Variants in THSD7B observed in about 807,000 individuals in gnomAD.
The protein encoded by THSD7B is thrombospondin type-1 domain-containing protein 7B.
In THSD7B, 138 loss-of-function variants were observed where a neutral mutation model predicts 213.6. The observed-to-expected ratio is 0.65, with a 90% CI of 0.56 to 0.74. The LOEUF is 0.74. THSD7B is among the 30% of genes least tolerant of loss of function. THSD7B has a pLI of 0.00. For synonymous variants in THSD7B, 742 were observed against 687.0 expected, an observed-to-expected ratio of 1.08 and a Z score of -1.25; for missense variants, 1,931 against 1,991.5, an observed-to-expected ratio of 0.97 and a Z score of 0.58.
chr2:136,950,292 T>C (rs983656869), intron 2 of THSD7B, among the ~76,000 whole-genome samples: 2 of 151,934 alleles, frequency 1.3e-5, no homozygotes, highest in African/African-American at 4.8e-5. Context: ...TAAATAAAAA[T>C]AAACACAAAC....
chr2:137,066,608 C>G (rs1276282288), intron 3 of THSD7B, among the ~76,000 whole-genome samples: 1 of 152,024 alleles, frequency 6.6e-6, no homozygotes, highest in Admixed American at 6.6e-5. Context: ...CCTCTGGCTT[C>G]TTGAAATAAT....
intron 7 of THSD7B, among the ~76,000 whole-genome samples, chr2:137,210,684 A>G (rs1190645242): frequency 6.6e-6 from 1 of 152,048 alleles, no homozygotes; most frequent in Non-Finnish European, 1.5e-5. Context: ...ATTTAAGTAG[A>G]GATGAGAGGA....
chr2:137,194,320 C>T (rs559488554), intron 7 of THSD7B, among the ~76,000 whole-genome samples: 2 of 152,238 alleles, frequency 1.3e-5, no homozygotes, highest in East Asian at 3.9e-4. Context: ...TAAAATTGAC[C>T]TAAAGCTGCC....
intron 2 of THSD7B, among the ~76,000 whole-genome samples, chr2:136,915,812 G>A (rs1419743873): frequency 6.6e-6 from 1 of 152,114 alleles, no homozygotes; most frequent in African/African-American, 2.4e-5. Flanking sequence ...GACAGTTTTT[G>A]GATGGTTATA....
At chr2:137,341,837 T>C (rs1156534217) in intron 12 of THSD7B, among the ~76,000 whole-genome samples, 2 of 151,740 alleles carry the variant, frequency 1.3e-5, no homozygotes, top group Non-Finnish European at 3.0e-5. Flanking sequence ...TGTCTTTCTT[T>C]TTTCTGCCAG....
chr2:137,405,626 C>T lies in THSD7B; in HGVS notation c.2514C>T (p.Ile838=), dbSNP rs1401389703. Residue 838 remains isoleucine, a synonymous_variant, in exon 13 of 28, where the codon ATC becomes ATT. Transcript: ENST00000409968. ...GCTTTTTTTCAGCTGTCTCATGCAT[C>T]TCTGATGACAACCGGTCAGCAGAAA... The part of the protein sequence containing the change: ...KGLQTRAVSC[I]SDDNRSAEMM... 6.2e-7 allele frequency: 1 copy of T among 1,606,276 alleles called. No individual in the cohort carries two copies. The highest frequency in any genetic ancestry group is 1.7e-5 in the Admixed American group (1 of 58,356).
In THSD7B at chr2:137,460,080, T is replaced by C. The variant is rs1490145791; in HGVS notation, c.3138+9057T>C. ...AAGTAATCACTCCTTGTCTGCATGATACCATACCCAAAGCAAATCTGTGAG... is the reference window on the plus strand; with the variant it reads ...AAGTAATCACTCCTTGTCTGCATGACACCATACCCAAAGCAAATCTGTGAG... On this transcript the variant is annotated intron_variant, in intron 15 of 27. Coordinates refer to ENST00000409968, the MANE Select transcript of THSD7B (RefSeq NM_001316349.2). 2.0e-5 allele frequency among the ~76,000 whole-genome samples: 3 copies of C among 152,262 alleles called. No individual in the cohort carries two copies. The East Asian group carries it at 5.8e-4, about 29-fold the overall frequency.
intron 17 of THSD7B, among the ~76,000 whole-genome samples, chr2:137,595,340 A>G (rs906566244): frequency 1.3e-5 from 2 of 151,924 alleles, no homozygotes; most frequent in Non-Finnish European, 2.9e-5. Flanking sequence ...ACATCTTCTC[A>G]TTGGCAGTAA....
chr2:137,308,877 T>C (rs1465949085), intron 12 of THSD7B, among the ~76,000 whole-genome samples: 3 of 152,144 alleles, frequency 2.0e-5, no homozygotes, highest in Non-Finnish European at 4.4e-5. Context: ...TATTTATTGG[T>C]ACAAAGCTAC....
intron 5 of THSD7B, among the ~76,000 whole-genome samples, chr2:137,149,714 G>T (rs1325807404): frequency 1.3e-5 from 2 of 152,180 alleles, no homozygotes; most frequent in African/African-American, 2.4e-5. Context: ...CTTGCATGGG[G>T]CCTGTAGCCC....
At chr2:136,791,552 GC>G (rs1335338873) in intron 1 of THSD7B, among the ~76,000 whole-genome samples, 1 of 76,376 alleles carries the variant, frequency 1.3e-5, no homozygotes, top group African/African-American at 4.3e-5. Context: ...TCCCTCCCCC[GC>G]CCCCCATCCG....
At chr2:136,849,141 A>G (rs1683056082) in intron 1 of THSD7B, among the ~76,000 whole-genome samples, 1 of 152,080 alleles carries the variant, frequency 6.6e-6, no homozygotes, top group South Asian at 2.1e-4. Flanking sequence ...CCTTACCACC[A>G]CTGATACATC....
intron 5 of THSD7B, among the ~76,000 whole-genome samples, chr2:137,120,638 T>C (rs544208630): frequency 2.2e-4 from 33 of 152,238 alleles, no homozygotes; most frequent in Non-Finnish European, 4.4e-4. Context: ...ACCTACACAC[T>C]AAGGTAGAGT....
chr2:137,571,174 G>T (rs975736716), intron 16 of THSD7B, among the ~76,000 whole-genome samples: 3 of 152,072 alleles, frequency 2.0e-5, no homozygotes, highest in Non-Finnish European at 4.4e-5. Flanking sequence ...CCCTAGATTA[G>T]TATTACCTAT....
intron 2 of THSD7B, among the ~76,000 whole-genome samples, chr2:137,034,575 C>G (rs1320221411): frequency 2.6e-5 from 4 of 152,100 alleles, no homozygotes; most frequent in Non-Finnish European, 5.9e-5. Flanking sequence ...CTAATGCTCT[C>G]CCTTCCCTTG....
intron 17 of THSD7B, among the ~76,000 whole-genome samples, chr2:137,581,786 T>TAAAAAAAAAAAAATA (rs373248698): frequency 7.3e-6 from 1 of 136,164 alleles, no homozygotes; most frequent in Non-Finnish European, 1.6e-5. Flanking sequence ...AAAAAAAAAA[T>TAAAAAAAAAAAAATA]AATAATAAAT....
intron 21 of THSD7B, among the ~76,000 whole-genome samples, chr2:137,648,675 C>CTG (rs1158902023): frequency 2.0e-5 from 3 of 152,088 alleles, no homozygotes; most frequent in Non-Finnish European, 4.4e-5. Flanking sequence ...GTGAATTGTG[C>CTG]TGCAATAAAC....
intron 7 of THSD7B, among the ~76,000 whole-genome samples, chr2:137,225,625 T>G (rs1001091812): frequency 2.6e-5 from 4 of 152,194 alleles, no homozygotes; most frequent in Non-Finnish European, 4.4e-5. Context: ...ACTAATGATA[T>G]TAATATGAAT....
rs141337227 is a variant in THSD7B, at chr2:137,351,477, A to T, written c.2501-54136A>T. Among the ~76,000 whole-genome samples, 346 of 152,120 alleles carry T rather than the reference A, an allele frequency of 2.3e-3. 1 individual carries two copies. Among genetic ancestry groups the T allele is most frequent in the African/African-American group, 7.7e-3 (318 of 41,534 alleles). On this transcript the variant is annotated intron_variant, in intron 12 of 27. Coordinates refer to ENST00000409968, the MANE Select transcript of THSD7B (RefSeq NM_001316349.2). ...AGTCTACCCAATGGTCCATGCATGC[A>T]TAGGCAGAGTAGGTTATCACTAGAG...
Sources: gnomAD v4.1 joint callset for allele counts (sites outside exome capture counted in the v4.1 genomes callset) on GRCh38, gnomAD v4.1.1 for gene constraint, MANE v1.5 for transcripts, NCBI Gene and HGNC (gene_info 2026-07-23, HGNC 2026-07-21) for gene names.